The following PLXNA4 variants were observed in gnomAD, a reference collection of about 807,000 sequenced individuals.
PLXNA4 encodes plexin-A4.
A neutral mutation model predicts 191.8 loss-of-function variants in PLXNA4; 44 were observed. The observed-to-expected ratio is 0.23, with a 90% CI of 0.18 to 0.29. The LOEUF (loss-of-function observed/expected upper bound fraction) is 0.29, where lower values mean the gene tolerates loss of function less well. PLXNA4 is among the 10% of genes least tolerant of loss of function. PLXNA4 has a pLI of 1.00. For synonymous variants in PLXNA4, 1,082 were observed against 1,009.5 expected (o/e 1.07, Z -1.36); for missense variants, 1,800 against 2,488.8 (o/e 0.72, Z 5.89).
intron 28 of PLXNA4, among the ~76,000 whole-genome samples, chr7:132,146,067 A>G: frequency 7.2e-6 from 1 of 138,724 alleles, no homozygotes. Context: ...GTGACAGAAC[A>G]AGACTCTGTC....
intron 25 of PLXNA4, among the ~76,000 whole-genome samples, chr7:132,158,587 T>C (rs563821545): frequency 6.6e-6 from 1 of 152,370 alleles, no homozygotes; most frequent in East Asian, 1.9e-4. Context: ...TTTACATGCA[T>C]GATCTCACTG....
At chr7:132,486,925 A>T (rs776868709) in intron 3 of PLXNA4, among the ~76,000 whole-genome samples, 1 of 152,000 alleles carries the variant, frequency 6.6e-6, no homozygotes, top group African/African-American at 2.4e-5. Context: ...TCCCAAACTC[A>T]TGGTGCTGCA....
At chr7:132,295,202 G>A (rs1001440198) in intron 4 of PLXNA4, among the ~76,000 whole-genome samples, 1 of 152,018 alleles carries the variant, frequency 6.6e-6, no homozygotes, top group African/African-American at 2.4e-5. Flanking sequence ...AATTAAGAGG[G>A]GCCTATTAGG....
intron 3 of PLXNA4, among the ~76,000 whole-genome samples, chr7:132,477,331 G>A (rs1797170251): frequency 6.6e-6 from 1 of 152,174 alleles, no homozygotes; most frequent in South Asian, 2.1e-4. Context: ...CCAAAAAAAT[G>A]GGAGTGGGCC....
intron 1 of PLXNA4, among the ~76,000 whole-genome samples, chr7:132,523,570 A>G (rs976649756): frequency 2.0e-5 from 3 of 152,232 alleles, no homozygotes; most frequent in Admixed American, 6.5e-5. Context: ...GTATATTCCA[A>G]ATGGCAGGAA....
At chr7:132,296,341 T>C (rs1563018568) in intron 4 of PLXNA4, among the ~76,000 whole-genome samples, 1 of 152,174 alleles carries the variant, frequency 6.6e-6, no homozygotes, top group Non-Finnish European at 1.5e-5. Flanking sequence ...GATGGGCACC[T>C]CCAGGGAAGG....
intron 1 of PLXNA4, among the ~76,000 whole-genome samples, chr7:132,541,915 C>T (rs1299429911): frequency 1.3e-5 from 2 of 152,188 alleles, no homozygotes; most frequent in Non-Finnish European, 2.9e-5. Flanking sequence ...GAATGAACAC[C>T]TACTATGCAT....
At chr7:132,172,363 G>T (rs994677704) in intron 21 of PLXNA4, among the ~76,000 whole-genome samples, 1 of 152,152 alleles carries the variant, frequency 6.6e-6, no homozygotes, top group Non-Finnish European at 1.5e-5. Flanking sequence ...TTTCTTGAAG[G>T]CCTGGACTTA....
chr7:132,322,566 G>T (rs1218742842), intron 3 of PLXNA4, among the ~76,000 whole-genome samples: 2 of 152,176 alleles, frequency 1.3e-5, no homozygotes, highest in African/African-American at 4.8e-5. Context: ...ATCCCACACA[G>T]CAAGAAGGTA....
Position 132,279,251 on chromosome 7 carries a change from G to A in PLXNA4, c.1503+18840C>T, listed in dbSNP as rs534246998. ...TACCTTGTTCCCTCTGGTCATTAGA[G>A]GACTTCCATCACTTGGGCTAGACAC... On this transcript the variant is annotated intron_variant, in intron 4 of 31. Transcript: ENST00000321063. Among the ~76,000 whole-genome samples, 5 of 152,292 alleles carry A rather than the reference G, an allele frequency of 3.3e-5. No individual in the cohort carries two copies. The South Asian group carries it at 8.3e-4, about 25-fold the overall frequency.
At chr7:132,648,602 G>C (rs1803931030) in exon 1 of PLXNA4, 1 of 152,202 alleles carries the variant, frequency 6.6e-6, no homozygotes, top group South Asian at 2.1e-4. Context: ...ATACTGGTCT[G>C]ATTGGGCTGT....
intron 3 of PLXNA4, among the ~76,000 whole-genome samples, chr7:132,333,662 C>T (rs1192488347): frequency 6.6e-6 from 1 of 152,182 alleles, no homozygotes; most frequent in Non-Finnish European, 1.5e-5. Flanking sequence ...GAGGGCAGGG[C>T]TGCCAAAAGA....
intron 9 of PLXNA4, among the ~76,000 whole-genome samples, chr7:132,218,938 C>G (rs976675684): frequency 7.9e-5 from 12 of 151,890 alleles, no homozygotes; most frequent in Non-Finnish European, 1.5e-4. Flanking sequence ...TGTTCCAGTC[C>G]AATAACTTCA....
At chr7:132,294,444 A>G (rs1801004144) in intron 4 of PLXNA4, among the ~76,000 whole-genome samples, 1 of 152,228 alleles carries the variant, frequency 6.6e-6, no homozygotes, top group Non-Finnish European at 1.5e-5. Flanking sequence ...CTTCATAGGC[A>G]CTTTGGTCAT....
chr7:132,247,367 G>T (rs557507204), intron 4 of PLXNA4, among the ~76,000 whole-genome samples: 2 of 152,004 alleles, frequency 1.3e-5, no homozygotes, highest in Admixed American at 6.6e-5. Context: ...TGTCCAAAAG[G>T]TTTCTTAAGT....
chr7:132,376,162 GC>G (rs1804650153), intron 3 of PLXNA4, among the ~76,000 whole-genome samples: 1 of 152,170 alleles, frequency 6.6e-6, no homozygotes, highest in African/African-American at 2.4e-5. Context: ...ACTGTGGAGA[GC>G]TTTGGCGATG....
intron 2 of PLXNA4, among the ~76,000 whole-genome samples, chr7:132,623,807 C>T (rs76782486): frequency 0.019 from 2,849 of 152,304 alleles, 64 homozygotes; most frequent in Middle Eastern, 0.065. Flanking sequence ...CAGCACCTCA[C>T]CCAAAGGTGG....
chr7:132,295,293 G>C (rs1302442085), intron 4 of PLXNA4, among the ~76,000 whole-genome samples: 1 of 152,178 alleles, frequency 6.6e-6, no homozygotes, highest in Non-Finnish European at 1.5e-5. Flanking sequence ...TCACAGCCTG[G>C]TCTGACAAGA....
chr7:132,227,741 G>C lies in PLXNA4; in HGVS notation c.1729-137C>G, dbSNP rs770089526. 4.8e-4 allele frequency: 550 copies of C among 1,136,592 alleles called. 1 individual carries two copies. Among genetic ancestry groups the C allele is most frequent in the Non-Finnish European group, 1.1e-4 (89 of 802,682 alleles). The allele number at this position is 1,136,592 out of a possible 1,614,324, so 70.4% of individuals were successfully genotyped here. A position where few individuals can be genotyped will look rare whatever the true frequency, so the allele number is the denominator to read the frequency against. On this transcript the variant is annotated intron_variant, in intron 6 of 31. Coordinates refer to ENST00000321063, the MANE Select transcript of PLXNA4 (RefSeq NM_020911.2). ...ACAAGCAAGAGGCAATATTAACATG[G>C]AGAAGAGACTCAGGTTATTAGGAGA...
Sources: gnomAD v4.1 joint callset for allele counts (sites outside exome capture counted in the v4.1 genomes callset) on GRCh38, gnomAD v4.1.1 for gene constraint, MANE v1.5 for transcripts, NCBI Gene and HGNC (gene_info 2026-07-23, HGNC 2026-07-21) for gene names.